Variants in MSRA observed in about 807,000 individuals in gnomAD.
MSRA encodes mitochondrial peptide methionine sulfoxide reductase.
Under a neutral mutation model 31.3 loss-of-function variants are expected in MSRA, and 54 were observed. The ratio of observed to expected loss-of-function variants is 1.73; its 90% CI spans 1.39 to 2.17. MSRA has a LOEUF of 2.17. Among genes scored for constraint, MSRA ranks in the 30% most tolerant of loss-of-function variants. The pLI is 0.00. For synonymous variants in MSRA, 169 were observed against 116.5 expected (o/e 1.45, Z -2.90); for missense variants, 507 against 300.9 (o/e 1.69, Z -5.07).
intron 3 of MSRA, among the ~76,000 whole-genome samples, chr8:10,290,639 T>A (rs184243504): frequency 5.3e-5 from 8 of 152,216 alleles, no homozygotes; most frequent in African/African-American, 1.9e-4. Flanking sequence ...GAGAGTATGT[T>A]TCAGAGTTCC....
intron 5 of MSRA, among the ~76,000 whole-genome samples, chr8:10,334,381 G>A (rs955311779): frequency 2.0e-5 from 3 of 152,158 alleles, no homozygotes; most frequent in African/African-American, 7.2e-5. Flanking sequence ...GCCTGGCCCT[G>A]GTTCAGCCTC....
intron 1 of MSRA, among the ~76,000 whole-genome samples, chr8:10,169,937 C>T (rs1375667258): frequency 1.3e-4 from 17 of 130,516 alleles, no homozygotes; most frequent in East Asian, 2.2e-4. Flanking sequence ...TTTTTTGAGA[C>T]GGAGTTTCAC....
intron 1 of MSRA, among the ~76,000 whole-genome samples, chr8:10,192,045 C>T (rs540162193): frequency 7.0e-4 from 107 of 152,190 alleles, no homozygotes; most frequent in Admixed American, 2.0e-3. Context: ...GGCAAGCCTC[C>T]GTTTCCTGCC....
At chr8:10,165,948 T>C (rs941589570) in intron 1 of MSRA, among the ~76,000 whole-genome samples, 1 of 152,186 alleles carries the variant, frequency 6.6e-6, no homozygotes, top group Non-Finnish European at 1.5e-5. Flanking sequence ...ACTGGCCTGG[T>C]CCCTGGAATA....
intron 5 of MSRA, among the ~76,000 whole-genome samples, chr8:10,339,787 C>CT (rs1554531984): frequency 1.3e-4 from 19 of 151,290 alleles, no homozygotes; most frequent in Admixed American, 5.3e-4. Context: ...GTGATCCCCC[C>CT]GCCTCGGCCT....
chr8:10,222,392 T>C (rs1432482731), intron 2 of MSRA, among the ~76,000 whole-genome samples: 2 of 152,184 alleles, frequency 1.3e-5, no homozygotes, highest in African/African-American at 4.8e-5. Context: ...TGGTGAGGAC[T>C]CTCACTGTTG....
intron 4 of MSRA, among the ~76,000 whole-genome samples, chr8:10,305,287 CT>C (rs1801066807): frequency 6.6e-6 from 1 of 152,076 alleles, no homozygotes; most frequent in African/African-American, 2.4e-5. Context: ...TAAATCAGAT[CT>C]TCATGGCATA....
At chr8:10,416,072 C>G (rs1488747895) in intron 5 of MSRA, among the ~76,000 whole-genome samples, 1 of 152,112 alleles carries the variant, frequency 6.6e-6, no homozygotes, top group Admixed American at 6.5e-5. Context: ...TGTGAGGGAA[C>G]TTCTCCTGCC....
chr8:10,382,483 C>CA (rs1806130202), intron 5 of MSRA, among the ~76,000 whole-genome samples: 2 of 152,194 alleles, frequency 1.3e-5, no homozygotes, highest in Non-Finnish European at 2.9e-5. Context: ...TGCAAGGAGG[C>CA]AGGCTTTGAG....
intron 3 of MSRA, among the ~76,000 whole-genome samples, chr8:10,285,704 A>T (rs1181972404): frequency 6.6e-6 from 1 of 151,646 alleles, no homozygotes; most frequent in Non-Finnish European, 1.5e-5. Context: ...CTATAAGATC[A>T]ACTTTTTCAG....
intron 1 of MSRA, among the ~76,000 whole-genome samples, chr8:10,081,784 A>C (rs814419): frequency 0.69 from 105,054 of 152,068 alleles, 37,181 homozygotes; most frequent in Middle Eastern, 0.79. Flanking sequence ...GGTGTGAGCC[A>C]CTACGCCTGG....
At chr8:10,154,424 C>A (rs1803977198) in intron 1 of MSRA, among the ~76,000 whole-genome samples, 1 of 151,960 alleles carries the variant, frequency 6.6e-6, no homozygotes, top group Non-Finnish European at 1.5e-5. Flanking sequence ...GTCGCCCAGG[C>A]TGGAGTGCAG....
Position 10,174,397 on chromosome 8 carries a change from A to G in MSRA, c.143-33436A>G, listed in dbSNP as rs111358445. 3.1e-3 allele frequency among the ~76,000 whole-genome samples: 475 copies of G among 152,166 alleles called. 2 individuals carry two copies. Among genetic ancestry groups the G allele is most frequent in the African/African-American group, 0.011 (456 of 41,506 alleles). On this transcript the variant is annotated intron_variant, in intron 1 of 5. Coordinates refer to ENST00000317173, the MANE Select transcript of MSRA (RefSeq NM_012331.5). ...GGAGGAGCCCAGGAGGCTTCCCGGGAGCAAGTCTATGTGTTTGGTGTCACG... is the reference window on the plus strand; with the variant it reads ...GGAGGAGCCCAGGAGGCTTCCCGGGGGCAAGTCTATGTGTTTGGTGTCACG...
At chr8:10,157,146 A>G (rs957538291) in intron 1 of MSRA, among the ~76,000 whole-genome samples, 7 of 151,998 alleles carry the variant, frequency 4.6e-5, no homozygotes, top group Admixed American at 4.6e-4. Context: ...GTATCATGCT[A>G]CCTGTATGCC....
At chr8:10,269,922 A>G (rs1190413478) in intron 3 of MSRA, among the ~76,000 whole-genome samples, 1 of 151,922 alleles carries the variant, frequency 6.6e-6, no homozygotes, top group Non-Finnish European at 1.5e-5. Context: ...AAGTGCTGGG[A>G]TTACAGGCGT....
At chr8:10,278,821 A>C (rs1411555748) in intron 3 of MSRA, among the ~76,000 whole-genome samples, 2 of 152,190 alleles carry the variant, frequency 1.3e-5, no homozygotes, top group African/African-American at 4.8e-5. Context: ...TTGATTTCAA[A>C]GGACCTGGGC....
intron 5 of MSRA, among the ~76,000 whole-genome samples, chr8:10,352,912 G>T (rs1384184015): frequency 2.6e-5 from 4 of 151,940 alleles, no homozygotes; most frequent in Admixed American, 2.6e-4. Flanking sequence ...AGAGCATCCC[G>T]TGCTGCCCAG....
intron 5 of MSRA, among the ~76,000 whole-genome samples, chr8:10,324,804 T>A (rs531943430): frequency 6.6e-6 from 1 of 152,248 alleles, no homozygotes; most frequent in African/African-American, 2.4e-5. Flanking sequence ...CACTGGTAAC[T>A]GGTTGTTTGA....
chr8:10,180,485 G>GAGA (rs1214636081), intron 1 of MSRA, among the ~76,000 whole-genome samples: 1 of 152,168 alleles, frequency 6.6e-6, no homozygotes, highest in African/African-American at 2.4e-5. Flanking sequence ...TCAGAGGTTG[G>GAGA]AGAGTGGGGC....
Sources: gnomAD v4.1 joint callset for allele counts (sites outside exome capture counted in the v4.1 genomes callset) on GRCh38, gnomAD v4.1.1 for gene constraint, MANE v1.5 for transcripts, NCBI Gene and HGNC (gene_info 2026-07-23, HGNC 2026-07-21) for gene names.